The following KIF13A variants were observed in gnomAD, a reference collection of about 807,000 sequenced individuals.
KIF13A encodes kinesin family member 13A.
Under a neutral mutation model 212.2 loss-of-function variants are expected in KIF13A, and 79 were observed. That is an observed-to-expected ratio of 0.37 (90% CI 0.31 to 0.45). The LOEUF is 0.45. KIF13A is among the 20% of genes least tolerant of loss of function. The pLI, the probability that KIF13A is intolerant of heterozygous loss-of-function variation, is 1.00. For synonymous variants in KIF13A, 789 were observed against 808.6 expected (o/e 0.98, Z 0.41); for missense variants, 1,901 against 2,209.0 (o/e 0.86, Z 2.79).
In KIF13A at chr6:17,968,076, G is replaced by T. The variant is rs1779480935; in HGVS notation, c.146+18978C>A. On this transcript the variant is annotated intron_variant, in intron 2 of 38. Transcript: ENST00000259711. The surrounding 1 kb of genome is among the most constrained non-coding windows in gnomAD (Gnocchi z 4.7). ...ACCCCTGGGGGACTGACAAACGTAG[G>T]CATATTATTTGACATGTGTGCTGCA... is the stretch of plus-strand genomic sequence containing the variant. 6.6e-6 allele frequency among the ~76,000 whole-genome samples: 1 copy of T among 152,108 alleles called. No homozygotes were observed. Among genetic ancestry groups the T allele is most frequent in the African/African-American group, 2.4e-5 (1 of 41,404 alleles).
intron 33 of KIF13A, 71 bp downstream of exon 33, chr6:17,778,876 T>C: frequency 6.6e-7 from 1 of 1,513,730 alleles, no homozygotes; most frequent in Non-Finnish European, 9.0e-7. Context: ...GTTTGGTAAG[T>C]AAATTCATAT....
chr6:17,940,669 G>C (rs189086149), intron 2 of KIF13A, among the ~76,000 whole-genome samples: 16 of 152,244 alleles, frequency 1.1e-4, no homozygotes, highest in Admixed American at 8.5e-4. Flanking sequence ...GGCAGGGCTT[G>C]AACTAATGGC....
intron 2 of KIF13A, among the ~76,000 whole-genome samples, chr6:17,923,713 C>T (rs993570880): frequency 6.6e-6 from 1 of 152,204 alleles, no homozygotes; most frequent in Non-Finnish European, 1.5e-5. Context: ...CTTTCACGAG[C>T]TGCATGCCAA....
chr6:17,937,909 C>T (rs567685625), intron 2 of KIF13A, among the ~76,000 whole-genome samples: 3 of 152,130 alleles, frequency 2.0e-5, no homozygotes, highest in South Asian at 2.1e-4. Flanking sequence ...ACACCACGCC[C>T]GGTTGAGTTT....
intron 18 of KIF13A, among the ~76,000 whole-genome samples, chr6:17,806,589 C>T (rs566947617): frequency 6.6e-6 from 1 of 152,172 alleles, no homozygotes; most frequent in Admixed American, 6.5e-5. Flanking sequence ...CATAGAAAAA[C>T]AATTTTCTGG....
At position 17,850,002 on chromosome 6, in the gene KIF13A, G is replaced by A. The variant is rs1008626860; in HGVS notation, c.717+321C>T. ...AGAAATACAATTATTTTTCTTTTTTGTTTTTGTAGAGTCTGGGTGTTGCTA... is the reference window on the plus strand; with the variant it reads ...AGAAATACAATTATTTTTCTTTTTTATTTTTGTAGAGTCTGGGTGTTGCTA... On this transcript the variant is annotated intron_variant, in intron 8 of 38. Coordinates refer to ENST00000259711, the MANE Select transcript of KIF13A (RefSeq NM_022113.6). This position sits in a 1 kb window ranked among gnomAD's most constrained non-coding sequence, Gnocchi z 6.2. 3.3e-5 allele frequency among the ~76,000 whole-genome samples: 5 copies of A among 151,770 alleles called. No individual in the cohort carries two copies. The highest frequency in any genetic ancestry group is 9.7e-5 in the African/African-American group (4 of 41,352).
At position 17,800,683 on chromosome 6, in the gene KIF13A, C is replaced by A. The variant is rs140857699; in HGVS notation, c.2455-570G>T. Among the ~76,000 whole-genome samples the A allele has an allele frequency of 2.5e-3, 383 of 151,986 alleles. 2 individuals carry two copies. The highest frequency in any genetic ancestry group is 0.021 in the Middle Eastern group (6 of 292). Reference sequence around the variant, plus strand: ...TGGCGTGATCTCGGCTCACTGCAACCTCCACCTCCTGGGTTCAAGCGGTTC... The same window carrying A: ...TGGCGTGATCTCGGCTCACTGCAACATCCACCTCCTGGGTTCAAGCGGTTC... On this transcript the variant is annotated intron_variant, in intron 20 of 38. Coordinates refer to ENST00000259711, the MANE Select transcript of KIF13A (RefSeq NM_022113.6).
chr6:17,843,448 CTGT>C lies in KIF13A; in HGVS notation c.831-5868_831-5866del, dbSNP rs1766713998. On this transcript the variant is annotated intron_variant, in intron 9 of 38. Transcript: ENST00000259711. The surrounding 1 kb of genome is among the most constrained non-coding windows in gnomAD (Gnocchi z 5.3). Reference sequence around the variant, plus strand: ...TTACTGGGTGGGGCTTCCAAGAAAACTGTTGTTCTTCTGATAAAAGAAGGTACA... The same window carrying C: ...TTACTGGGTGGGGCTTCCAAGAAAACTGTTCTTCTGATAAAAGAAGGTACA... Among the ~76,000 whole-genome samples, 1 of 152,202 alleles carries C rather than the reference CTGT, an allele frequency of 6.6e-6. No individual in the cohort carries two copies. Among genetic ancestry groups the C allele is most frequent in the Non-Finnish European group, 1.5e-5 (1 of 68,046 alleles).
At chr6:17,842,351 A>T (rs748758474) in intron 9 of KIF13A, among the ~76,000 whole-genome samples, 4 of 152,056 alleles carry the variant, frequency 2.6e-5, no homozygotes, top group Admixed American at 6.6e-5. Context: ...GAGCCTGGCC[A>T]GGCTTACATA....
At chr6:17,949,070 G>T (rs1777653104) in intron 2 of KIF13A, among the ~76,000 whole-genome samples, 1 of 152,050 alleles carries the variant, frequency 6.6e-6, no homozygotes, top group South Asian at 2.1e-4. Context: ...AGAAAAATAA[G>T]ATCAGATGAG....
rs767601901 is a variant in KIF13A, at chr6:17,764,326, A to C, written c.5202T>G (p.Ser1734=). The C allele has an allele frequency of 1.9e-6, 3 of 1,614,004 alleles. No homozygotes were observed. The African/African-American group carries it at 4.0e-5, about 22-fold the overall frequency. Residue 1734 remains serine, a synonymous_variant, in exon 39 of 39, where the codon TCT becomes TCG. Transcript: ENST00000259711. This position sits in a 1 kb window ranked among gnomAD's most constrained non-coding sequence, Gnocchi z 5.1. The part of the protein sequence containing the change: ...EHTTNILEDH[S]FTEFMGVSEG... Reference sequence around the variant, plus strand: ...CTGACACTCCCATAAATTCTGTGAAAGAATGGTCTTCAAGGATGTTGGTGG... The same window carrying C: ...CTGACACTCCCATAAATTCTGTGAACGAATGGTCTTCAAGGATGTTGGTGG...
chr6:17,823,037 CTTT>C (rs10708452), intron 16 of KIF13A, among the ~76,000 whole-genome samples: 3 of 145,110 alleles, frequency 2.1e-5, no homozygotes, highest in African/African-American at 2.5e-5. Context: ...TGGTTCTATA[CTTT>C]TTTTTTTTTT....
At position 17,843,905 on chromosome 6, in the gene KIF13A, C is replaced by T. The variant is rs556650863; in HGVS notation, c.830+5472G>A. Among the ~76,000 whole-genome samples the T allele has an allele frequency of 2.1e-3, 314 of 152,036 alleles. 1 individual carries two copies. Among genetic ancestry groups the T allele is most frequent in the Middle Eastern group, 0.014 (4 of 292 alleles). On this transcript the variant is annotated intron_variant, in intron 9 of 38. Coordinates refer to ENST00000259711, the MANE Select transcript of KIF13A (RefSeq NM_022113.6). This position sits in a 1 kb window ranked among gnomAD's most constrained non-coding sequence, Gnocchi z 5.3. ...ACTAAAAATACAAAAATTAACTGAG[C>T]GTGGTGGCGCACGCCTATAATCCCA...
chr6:17,857,106 C>T (rs1259301348), intron 4 of KIF13A, among the ~76,000 whole-genome samples: 2 of 151,556 alleles, frequency 1.3e-5, no homozygotes, highest in African/African-American at 4.9e-5. Context: ...AATAATGTAA[C>T]ACAACATGAG....
intron 4 of KIF13A, among the ~76,000 whole-genome samples, chr6:17,861,562 C>CATTG (rs1165911019): frequency 6.6e-6 from 1 of 152,180 alleles, no homozygotes; most frequent in Non-Finnish European, 1.5e-5. Flanking sequence ...TCTAAAAATG[C>CATTG]ATTGGTCTCT....
intron 2 of KIF13A, among the ~76,000 whole-genome samples, chr6:17,910,769 T>C (rs894832337): frequency 2.0e-5 from 3 of 152,156 alleles, no homozygotes; most frequent in Admixed American, 6.5e-5. Context: ...TGGTTGTCGT[T>C]GTTGTTGTTT....
At chr6:17,796,341 A>AT (rs35750346) in intron 23 of KIF13A, among the ~76,000 whole-genome samples, 106,400 of 148,890 alleles carry the variant, frequency 0.71, 38,104 homozygotes, top group South Asian at 0.79. Context: ...AAATAAAAAA[A>AT]AAATAAATAA....
chr6:17,802,584 C>A (rs2150335732), intron 20 of KIF13A, among the ~76,000 whole-genome samples: 1 of 152,016 alleles, frequency 6.6e-6, no homozygotes, highest in South Asian at 2.1e-4. Flanking sequence ...GCCACCACAC[C>A]CGGCCAAGCT....
At position 17,802,932 on chromosome 6, in the gene KIF13A, G is replaced by GTTTTTTTT. The variant is rs750485926; in HGVS notation, c.2454+1421_2454+1428dup. Among the ~76,000 whole-genome samples, 6 of 111,124 alleles carry GTTTTTTTT rather than the reference G, an allele frequency of 5.4e-5. 1 individual carries two copies. The highest frequency in any genetic ancestry group is 9.0e-5 in the African/African-American group (3 of 33,284). 72.9% of individuals were successfully genotyped at this position (111,124 alleles called of 152,430 possible). The stretch of plus-strand genomic sequence containing the variant: ...TGGTTAATTTTTTTGTGTTTTTTTT[G>GTTTTTTTT]TTTTTTTTTGTTTTGTTTTGAGACA... On this transcript the variant is annotated intron_variant, in intron 20 of 38. Transcript: ENST00000259711.
Sources: allele counts gnomAD v4.1 joint callset (sites outside exome capture counted in the v4.1 genomes callset), GRCh38; gene constraint gnomAD v4.1.1; non-coding constraint Gnocchi (gnomAD v3.1); transcripts MANE v1.5; gene names NCBI Gene and HGNC (gene_info 2026-07-23, HGNC 2026-07-21).